Variants in STK3 observed in about 807,000 individuals in gnomAD.
STK3 encodes the protein serine/threonine-protein kinase 3.
A neutral mutation model predicts 58.0 loss-of-function variants in STK3; 41 were observed. That is an observed-to-expected ratio of 0.71 (90% CI 0.55 to 0.92). The LOEUF is 0.92. Ranked by LOEUF, STK3 falls within the 40% of genes least tolerant of loss-of-function variation. The pLI is 0.00. For missense variants in STK3, 479 were observed against 602.7 expected (o/e 0.79, Z 2.15); for synonymous variants, 170 against 191.0 (o/e 0.89, Z 0.91).
chr8:98,761,815 TTTGA>T (rs1421997377), intron 3 of STK3, among the ~76,000 whole-genome samples: 1 of 152,132 alleles, frequency 6.6e-6, no homozygotes, highest in Non-Finnish European at 1.5e-5. Context: ...TTTTGAAACT[TTTGA>T]TTTTTTATTT....
chr8:98,379,759 A>G (rs1817713256), intron 1 of STK3, among the ~76,000 whole-genome samples: 1 of 152,236 alleles, frequency 6.6e-6, no homozygotes, highest in Non-Finnish European at 1.5e-5. Flanking sequence ...GAAAAGCAAA[A>G]TAGAACTACC....
chr8:98,465,202 G>A (rs969186674), intron 10 of STK3, among the ~76,000 whole-genome samples: 6 of 152,136 alleles, frequency 3.9e-5, no homozygotes, highest in African/African-American at 1.4e-4. Context: ...CGTTTGACAG[G>A]TGAGGATGCT....
chr8:98,939,875 GC>G (rs1239101495), intron 1 of STK3, among the ~76,000 whole-genome samples: 1 of 152,206 alleles, frequency 6.6e-6, no homozygotes, highest in African/African-American at 2.4e-5. Flanking sequence ...GGTGCGGAGA[GC>G]CCCCCTCTCC....
At chr8:98,925,479 C>T (rs1839754017) in intron 1 of STK3, among the ~76,000 whole-genome samples, 1 of 152,214 alleles carries the variant, frequency 6.6e-6, no homozygotes, top group Admixed American at 6.5e-5. Flanking sequence ...GTATGCCTCA[C>T]TCACTCATTT....
chr8:98,548,534 G>T (rs1313725807), intron 8 of STK3, among the ~76,000 whole-genome samples: 1 of 152,020 alleles, frequency 6.6e-6, no homozygotes. Context: ...ATTATAATGG[G>T]CATAATGATG....
rs538578826 is a variant in STK3 at position 98,579,929 on chromosome 8, T to G, written c.823-140A>C. ...TTTCATCTAGAATTAAATGTATAGG[T>G]TAAGAAAAGAGAGTATGGCCACTGC... On this transcript the variant is annotated intron_variant, in intron 7 of 10. Coordinates refer to ENST00000419617, the MANE Select transcript of STK3 (RefSeq NM_006281.4). 26 of 812,366 alleles carry G rather than the reference T, an allele frequency of 3.2e-5. No homozygotes were observed. In the East Asian group the frequency reaches 8.6e-4, roughly 27 times the overall value. 50.3% of individuals were successfully genotyped at this position (812,366 alleles called of 1,614,324 possible).
intron 6 of STK3, among the ~76,000 whole-genome samples, chr8:98,680,812 T>C (rs577730814): frequency 6.6e-6 from 1 of 152,240 alleles, no homozygotes; most frequent in East Asian, 1.9e-4. Flanking sequence ...AGGAATAAGA[T>C]GGAATAACTT....
intron 1 of STK3, among the ~76,000 whole-genome samples, chr8:98,922,033 C>T (rs138368839): frequency 6.6e-6 from 1 of 152,248 alleles, no homozygotes; most frequent in Non-Finnish European, 1.5e-5. Flanking sequence ...CTTCTCACTA[C>T]AGAGGTTGGA....
chr8:98,711,562 A>T (rs1453653713), intron 4 of STK3, among the ~76,000 whole-genome samples: 2 of 152,258 alleles, frequency 1.3e-5, no homozygotes, highest in Middle Eastern at 3.2e-3. Context: ...AATGAAATGA[A>T]GTGAGAAGAG....
intron 4 of STK3, among the ~76,000 whole-genome samples, chr8:98,744,058 A>C (rs1301678310): frequency 1.1e-4 from 17 of 151,976 alleles, no homozygotes; most frequent in Non-Finnish European, 1.8e-4. Context: ...TTAGAATGGC[A>C]ATCATTAAAA....
intron 4 of STK3, among the ~76,000 whole-genome samples, chr8:98,747,947 A>G (rs1183770788): frequency 2.0e-5 from 3 of 152,216 alleles, no homozygotes; most frequent in East Asian, 1.9e-4. Context: ...ACTGACAAAG[A>G]GTTTTCTGAA....
At chr8:98,583,166 A>T (rs1440652705) in intron 7 of STK3, among the ~76,000 whole-genome samples, 1 of 151,884 alleles carries the variant, frequency 6.6e-6, no homozygotes, top group African/African-American at 2.4e-5. Context: ...TATTAGGTTA[A>T]TTTCACTTTT....
chr8:98,494,554 C>T (rs1053713263), intron 10 of STK3, among the ~76,000 whole-genome samples: 3 of 145,454 alleles, frequency 2.1e-5, no homozygotes, highest in Non-Finnish European at 3.0e-5. Context: ...CTTTGGGAGG[C>T]TAAGGTGGGT....
chr8:98,784,725 C>A (rs958128342), intron 1 of STK3, among the ~76,000 whole-genome samples: 2 of 152,132 alleles, frequency 1.3e-5, no homozygotes, highest in Non-Finnish European at 2.9e-5. Flanking sequence ...TACAGTGGGG[C>A]CCTCTCCACT....
chr8:98,493,423 C>G (rs1163909221), intron 10 of STK3, among the ~76,000 whole-genome samples: 4 of 152,172 alleles, frequency 2.6e-5, no homozygotes. Flanking sequence ...CTTTAGGCGT[C>G]ACCATCTCAT....
At chr8:98,499,625 T>C (rs1324634586) in intron 10 of STK3, among the ~76,000 whole-genome samples, 1 of 152,154 alleles carries the variant, frequency 6.6e-6, no homozygotes, top group Admixed American at 6.6e-5. Flanking sequence ...AGAACACATA[T>C]ATCATCATAA....
intron 1 of STK3, among the ~76,000 whole-genome samples, chr8:98,446,047 T>C (rs1237381945): frequency 6.6e-6 from 1 of 152,192 alleles, no homozygotes; most frequent in Non-Finnish European, 1.5e-5. Context: ...CTCACTGCTT[T>C]AATTGTGTAA....
intron 1 of STK3, among the ~76,000 whole-genome samples, chr8:98,915,645 T>G (rs180856215): frequency 1.3e-4 from 20 of 151,850 alleles, no homozygotes; most frequent in African/African-American, 4.8e-4. Flanking sequence ...GCTGATTGAT[T>G]GATATGTGTG....
Position 98,906,989 on chromosome 8 carries a change from T to TAAAAAAAAAAAAAAAAAA in STK3, c.-78-23173_-78-23156dup, listed in dbSNP as rs3085954. On this transcript the variant is annotated intron_variant, in intron 1 of 1. Transcript: ENST00000519420. ...ATAGGGATAACCCCATCTCTACCAATAAAAAAAAAAAAAAAAAAATTAGCC... is the reference window on the plus strand; with the variant it reads ...ATAGGGATAACCCCATCTCTACCAATAAAAAAAAAAAAAAAAAAAAAAAAAAAAAAAAAAAAATTAGCC... Among the ~76,000 whole-genome samples, 53 of 94,772 alleles carry TAAAAAAAAAAAAAAAAAA rather than the reference T, an allele frequency of 5.6e-4. 2 individuals carry two copies. The highest frequency in any genetic ancestry group is 2.1e-3 in the African/African-American group (51 of 23,922). The allele number at this position is 94,772 out of a possible 152,430, so 62.2% of individuals were successfully genotyped here. A position where few individuals can be genotyped will look rare whatever the true frequency, so the allele number is the denominator to read the frequency against.
Sources: gnomAD v4.1 joint callset for allele counts (sites outside exome capture counted in the v4.1 genomes callset) on GRCh38, gnomAD v4.1.1 for gene constraint, MANE v1.5 for transcripts, NCBI Gene and HGNC (gene_info 2026-07-23, HGNC 2026-07-21) for gene names.